The following SP4 variants were observed in gnomAD, a reference collection of about 807,000 sequenced individuals.
SP4 encodes the protein transcription factor Sp4.
Under a neutral mutation model 72.8 loss-of-function variants are expected in SP4, and 19 were observed. The ratio of observed to expected loss-of-function variants is 0.26; its 90% confidence interval spans 0.18 to 0.38. SP4 has a LOEUF of 0.38. Ranked by LOEUF, SP4 falls within the 10% of genes least tolerant of loss-of-function variation. The pLI, the probability that SP4 is intolerant of heterozygous loss-of-function variation, is 1.00. For missense variants in SP4, 1,008 were observed against 926.3 expected (o/e 1.09, Z -1.14); for synonymous variants, 395 against 333.1 (o/e 1.19, Z -2.02).
chr7:21,483,197 C>T (rs2128411513), intron 5 of SP4, among the ~76,000 whole-genome samples: 1 of 151,984 alleles, frequency 6.6e-6, no homozygotes, highest in East Asian at 1.9e-4. Context: ...TGAGATTAAG[C>T]ACCTTTCATA....
chr7:21,460,833 C>T (rs1320230158), intron 3 of SP4, among the ~76,000 whole-genome samples: 9 of 152,128 alleles, frequency 5.9e-5, no homozygotes, highest in Non-Finnish European at 1.3e-4. Context: ...CATTTACAAA[C>T]CTTGAGCTAG....
rs1784717977 is a variant in SP4, at chr7:21,482,655, CAA to C, written c.2107+534_2107+535del. On this transcript the variant is annotated intron_variant, in intron 5 of 5. Coordinates refer to ENST00000222584, the MANE Select transcript of SP4 (RefSeq NM_003112.5). ...ACATCATGTTTACCCTTTCACCTTT[CAA>C]AGACTGCAGCTGCTATAAATCTAAT... 9 of 984,766 alleles carry C rather than the reference CAA, an allele frequency of 9.1e-6. No individual in the cohort carries two copies. In the African/African-American group the frequency reaches 1.0e-4, roughly 11 times the overall value. The allele number at this position is 984,766 out of a possible 1,614,324, so 61.0% of individuals were successfully genotyped here.
At chr7:21,459,408 C>T (rs572925327) in intron 3 of SP4, among the ~76,000 whole-genome samples, 39 of 152,216 alleles carry the variant, frequency 2.6e-4, no homozygotes, top group African/African-American at 8.2e-4. Flanking sequence ...TGTGAGCCAC[C>T]GTGTTTTGGA....
In SP4 at chr7:21,428,218, G is replaced by A. The variant is rs1277993686; in HGVS notation, c.-34G>A. ...CACCCCCACCCACCTCTATCCCAGT[G>A]TCTCCGTCTGAGGGTTTGTCCTGTT... On this transcript the variant is annotated 5_prime_UTR_variant, in exon 1 of 6. Transcript: ENST00000222584. The A allele has an allele frequency of 7.9e-7, 1 of 1,264,610 alleles. No individual in the cohort carries two copies. Among genetic ancestry groups the A allele is most frequent in the Non-Finnish European group, 1.1e-6 (1 of 923,024 alleles). The allele number at this position is 1,264,610 out of a possible 1,614,324, so 78.3% of individuals were successfully genotyped here.
At chr7:21,503,221 T>A (rs1279206622) in intron 5 of SP4, among the ~76,000 whole-genome samples, 2 of 152,150 alleles carry the variant, frequency 1.3e-5, no homozygotes, top group Non-Finnish European at 2.9e-5. Flanking sequence ...GATGACAGGG[T>A]GGAGTATATG....
rs756715060 is a variant in SP4 at position 21,511,041 on chromosome 7, C to T, written c.2127C>T (p.Cys709=). 2.5e-6 allele frequency: 4 copies of T among 1,609,226 alleles called. No individual in the cohort carries two copies. The highest frequency in any genetic ancestry group is 3.4e-6 in the Non-Finnish European group (4 of 1,176,454). The part of the protein sequence containing the change: ...RTHTGEKRFE[C]PECSKRFMRS... ...ATGTAGGTGAAAAGAGATTTGAATG[C>T]CCGGAATGTTCTAAAAGGTTTATGC... Residue 709 remains cysteine (C), a synonymous_variant, in exon 6 of 6, where the codon TGC becomes TGT. Transcript: ENST00000222584.
intron 3 of SP4, among the ~76,000 whole-genome samples, chr7:21,438,245 TA>T (rs1420161561): frequency 6.6e-6 from 1 of 152,196 alleles, no homozygotes; most frequent in Non-Finnish European, 1.5e-5. Context: ...CTTCTAATTC[TA>T]AAATTTAAGG....
chr7:21,471,405 G>T (rs1784338868), intron 3 of SP4, among the ~76,000 whole-genome samples: 1 of 152,220 alleles, frequency 6.6e-6, no homozygotes, highest in Non-Finnish European at 1.5e-5. Flanking sequence ...GATCAACATA[G>T]ATAATGTATA....
At chr7:21,478,465 T>C (rs2128410068) in intron 4 of SP4, among the ~76,000 whole-genome samples, 1 of 152,106 alleles carries the variant, frequency 6.6e-6, no homozygotes, top group East Asian at 1.9e-4. Flanking sequence ...CCAAAGTGGC[T>C]GTACCATTTA....
In SP4 at chr7:21,429,983, A is replaced by C. The variant is rs767714920; in HGVS notation, c.818A>C (p.Asn273Thr). 5 of 1,614,004 alleles carry C rather than the reference A, an allele frequency of 3.1e-6. No homozygotes were observed. The highest frequency in any genetic ancestry group is 1.1e-5 in the South Asian group (1 of 91,074). Reference protein sequence around the residue: ...GVTLALPVINNVAAGGGTGQV... With the variant: ...GVTLALPVINTVAAGGGTGQV... ...ACTCTAGCTTTGCCAGTGATAAACA[A>C]CGTGGCTGCCGGAGGAGGGACTGGG... Residue 273 changes from asparagine to threonine, a missense_variant, in exon 3 of 6, where the codon AAC becomes ACC. Transcript: ENST00000222584.
At chr7:21,499,114 A>G (rs1781801066) in intron 5 of SP4, among the ~76,000 whole-genome samples, 1 of 151,692 alleles carries the variant, frequency 6.6e-6, no homozygotes, top group Non-Finnish European at 1.5e-5. Context: ...TAAGAAAATC[A>G]TAAGGAAGAA....
In SP4 at chr7:21,428,176, T is replaced by TCCAGCC; in HGVS notation, c.-74_-73insAGCCCC. 7.0e-6 allele frequency: 5 copies of TCCAGCC among 718,776 alleles called. No homozygotes were observed. The highest frequency in any genetic ancestry group is 2.0e-5 in the Admixed American group (1 of 49,084). 44.5% of individuals were successfully genotyped at this position (718,776 alleles called of 1,614,324 possible). A position where few individuals can be genotyped will look rare whatever the true frequency, so the allele number is the denominator to read the frequency against. On this transcript the variant is annotated 5_prime_UTR_variant, in exon 1 of 6. Coordinates refer to ENST00000222584, the MANE Select transcript of SP4 (RefSeq NM_003112.5). ...ACCGCGGGCGGGCGGGACCGGCCTC[T>TCCAGCC]CCTCCCGCCTCGCCCCCACCCCCAC...
intron 5 of SP4, among the ~76,000 whole-genome samples, chr7:21,491,695 G>A (rs1037945260): frequency 9.2e-5 from 14 of 152,200 alleles, no homozygotes; most frequent in East Asian, 3.9e-4. Context: ...AAATTATGGC[G>A]GATTTCTTCT....
At position 21,490,018 on chromosome 7, in the gene SP4, A is replaced by C. The variant is rs578041522; in HGVS notation, c.2107+7895A>C. On this transcript the variant is annotated intron_variant, in intron 5 of 5. Transcript: ENST00000222584. Reference sequence around the variant, plus strand: ...ATCAAAACTGTTGCCCTTTGTGTCCACTGTTGGCCAGAATGGACCAAGTTA... The same window carrying C: ...ATCAAAACTGTTGCCCTTTGTGTCCCCTGTTGGCCAGAATGGACCAAGTTA... Among the ~76,000 whole-genome samples the C allele has an allele frequency of 2.0e-5, 3 of 152,338 alleles. No individual in the cohort carries two copies. The East Asian group carries it at 5.8e-4, about 29-fold the overall frequency.
At chr7:21,498,000 T>C (rs1053680035) in intron 5 of SP4, among the ~76,000 whole-genome samples, 1 of 152,102 alleles carries the variant, frequency 6.6e-6, no homozygotes, top group African/African-American at 2.4e-5. Flanking sequence ...CCTCCTTAAG[T>C]CTTCTTATAT....
intron 3 of SP4, among the ~76,000 whole-genome samples, chr7:21,433,093 C>T (rs1459625000): frequency 2.6e-5 from 4 of 152,136 alleles, no homozygotes; most frequent in South Asian, 2.1e-4. Flanking sequence ...TGAGCTAGTT[C>T]GTTTGTGCCT....
At chr7:21,502,074 A>G (rs545113656) in intron 5 of SP4, among the ~76,000 whole-genome samples, 2 of 122,128 alleles carry the variant, frequency 1.6e-5, no homozygotes, top group African/African-American at 3.1e-5. Flanking sequence ...TAGAGTTAAC[A>G]TATATATTGG....
intron 2 of SP4, 59 bp from the exon 3 acceptor site, chr7:21,429,230 A>T (rs1782742775): frequency 2.0e-6 from 2 of 986,708 alleles, no homozygotes; most frequent in Non-Finnish European, 3.0e-6. Context: ...ACTGGCCTCC[A>T]CTAAATCCGC....
chr7:21,436,248 TA>T (rs1383745630), intron 3 of SP4, among the ~76,000 whole-genome samples: 1 of 152,138 alleles, frequency 6.6e-6, no homozygotes, highest in Non-Finnish European at 1.5e-5. Context: ...TCGGAATATA[TA>T]ATGAGTAATA....
Sources: allele counts gnomAD v4.1 joint callset (sites outside exome capture counted in the v4.1 genomes callset), GRCh38; gene constraint gnomAD v4.1.1; transcripts MANE v1.5; gene names NCBI Gene and HGNC (gene_info 2026-07-23, HGNC 2026-07-21).